The following RBPJ variants were observed in gnomAD, a reference collection of about 807,000 sequenced individuals.
The protein encoded by RBPJ is recombining binding protein suppressor of hairless.
Under a neutral mutation model 67.8 loss-of-function variants are expected in RBPJ, and 9 were observed. That is an observed-to-expected ratio of 0.13 (90% CI 0.08 to 0.23). The LOEUF (loss-of-function observed/expected upper bound fraction) is 0.23, where lower values mean the gene tolerates loss of function less well. Ranked by LOEUF, RBPJ falls within the 10% of genes least tolerant of loss-of-function variation. The pLI is 1.00. For synonymous variants in RBPJ, 198 were observed against 203.3 expected (o/e 0.97, Z 0.22); for missense variants, 305 against 595.6 (o/e 0.51, Z 5.08).
intron 3 of RBPJ, among the ~76,000 whole-genome samples, chr4:26,411,393 T>C (rs1386913760): frequency 6.6e-6 from 1 of 152,124 alleles, no homozygotes; most frequent in African/African-American, 2.4e-5. Context: ...TGCTGACTTT[T>C]ATTCAATCAC....
the RBPJ span, among the ~76,000 whole-genome samples, chr4:26,157,599 C>T: frequency 1.3e-5 from 2 of 152,150 alleles, no homozygotes; most frequent in African/African-American, 4.8e-5. Context: ...GTTTGGATTG[C>T]AAAACTTTCC....
At chr4:26,139,292 G>A in the RBPJ span, among the ~76,000 whole-genome samples, 1 of 152,358 alleles carries the variant, frequency 6.6e-6, no homozygotes, top group African/African-American at 2.4e-5. Flanking sequence ...AGTGCTTAGT[G>A]TAGTGCCCAG....
intron 1 of RBPJ, among the ~76,000 whole-genome samples, chr4:26,210,766 T>TCTTTCTTTCTTTCTTC (rs1560212256): frequency 2.9e-5 from 4 of 137,756 alleles, no homozygotes; most frequent in African/African-American, 1.1e-4. Flanking sequence ...TTTCTTTCTT[T>TCTTTCTTTCTTTCTTC]CTTTCTTTCT....
At chr4:26,401,242 A>G (rs1369735484) in intron 2 of RBPJ, among the ~76,000 whole-genome samples, 2 of 152,238 alleles carry the variant, frequency 1.3e-5, no homozygotes, top group Non-Finnish European at 2.9e-5. Flanking sequence ...AGGCTTAGTG[A>G]TTGACAGACC....
intron 1 of RBPJ, among the ~76,000 whole-genome samples, chr4:26,361,860 AG>A (rs562396208): frequency 1.3e-3 from 202 of 152,320 alleles, no homozygotes; most frequent in African/African-American, 4.7e-3. Flanking sequence ...TTAGGAGGAA[AG>A]GAACAGATAC....
chr4:26,225,173 A>G (rs1423889825), intron 1 of RBPJ, among the ~76,000 whole-genome samples: 1 of 152,242 alleles, frequency 6.6e-6, no homozygotes, highest in East Asian at 1.9e-4. Context: ...GGTAGCTGGT[A>G]TAAAGGAAAA....
At chr4:26,194,363 C>T (rs1717677061) in intron 1 of RBPJ, among the ~76,000 whole-genome samples, 1 of 152,230 alleles carries the variant, frequency 6.6e-6, no homozygotes, top group Non-Finnish European at 1.5e-5. Flanking sequence ...CACACACACA[C>T]ATTTAATCCA....
rs1045416864 is a variant in RBPJ, at chr4:26,422,977, A to G, written c.497-1365A>G. On this transcript the variant is annotated intron_variant, in intron 5 of 10. Coordinates refer to ENST00000355476, the MANE Select transcript of RBPJ (RefSeq NM_015874.6). Reference sequence around the variant, plus strand: ...TGTGATATGTCCTTGAGTATAATCTATGGACACCCCCTCAACTCTTGCAAT... The same window carrying G: ...TGTGATATGTCCTTGAGTATAATCTGTGGACACCCCCTCAACTCTTGCAAT... Among the ~76,000 whole-genome samples, 4 of 152,206 alleles carry G rather than the reference A, an allele frequency of 2.6e-5. No individual in the cohort carries two copies. The South Asian group carries it at 6.2e-4, about 24-fold the overall frequency.
In RBPJ at chr4:26,264,019, C is replaced by T. The variant is rs1430463798; in HGVS notation, c.-166-98427C>T. Among the ~76,000 whole-genome samples, 3 of 151,874 alleles carry T rather than the reference C, an allele frequency of 2.0e-5. No individual in the cohort carries two copies. Among genetic ancestry groups the T allele is most frequent in the Non-Finnish European group, 4.4e-5 (3 of 68,008 alleles). ...CCTCCTGAGTAGCTGGGACTACAGA[C>T]GTGTGCCACCACGTCCTGCTAATCT... On this transcript the variant is annotated intron_variant, in intron 1 of 4. Coordinates refer to the RBPJ transcript ENST00000512351. The surrounding 1 kb of genome is among the most constrained non-coding windows in gnomAD (Gnocchi z 4.1).
chr4:26,272,214 T>C (rs1441944006), intron 1 of RBPJ, among the ~76,000 whole-genome samples: 1 of 152,190 alleles, frequency 6.6e-6, no homozygotes, highest in East Asian at 1.9e-4. Flanking sequence ...AAAGATCTTC[T>C]AGATAAAACT....
At chr4:26,405,438 T>A (rs1733297188) in intron 2 of RBPJ, among the ~76,000 whole-genome samples, 2 of 151,806 alleles carry the variant, frequency 1.3e-5, no homozygotes, top group South Asian at 4.2e-4. Flanking sequence ...TATATAATAT[T>A]GCTTAGCAAA....
At chr4:26,154,607 A>G in the RBPJ span, among the ~76,000 whole-genome samples, 9 of 152,226 alleles carry the variant, frequency 5.9e-5, no homozygotes, top group Admixed American at 3.9e-4. Flanking sequence ...GGTTGGCTTG[A>G]AAACAGGTTT....
At chr4:26,248,636 A>G (rs553076195) in intron 1 of RBPJ, among the ~76,000 whole-genome samples, 12 of 152,370 alleles carry the variant, frequency 7.9e-5, no homozygotes, top group Admixed American at 5.2e-4. Flanking sequence ...GTTAGACTAT[A>G]TAACAGTGAA....
intron 1 of RBPJ, among the ~76,000 whole-genome samples, chr4:26,180,144 A>G (rs1716930391): frequency 6.6e-6 from 1 of 152,056 alleles, no homozygotes; most frequent in Non-Finnish European, 1.5e-5. Flanking sequence ...GACACAAGGA[A>G]GGGGACAACA....
In RBPJ at chr4:26,433,355, G is replaced by T. The variant is rs759870325; in HGVS notation, c.*2348G>T. 6.6e-6 allele frequency: 1 copy of T among 152,064 alleles called. No individual in the cohort carries two copies. The highest frequency in any genetic ancestry group is 6.5e-5 in the Admixed American group (1 of 15,276). 9.4% of individuals were successfully genotyped at this position (152,064 alleles called of 1,614,324 possible). A position where few individuals can be genotyped will look rare whatever the true frequency, so the allele number is the denominator to read the frequency against. The stretch of plus-strand genomic sequence containing the variant: ...GTTCCTAGTGCTGCTTTGCTTTAAC[G>T]GCCACAAGTTTCCTCCACTTCCTAG... On this transcript the variant is annotated 3_prime_UTR_variant, in exon 11 of 11. Transcript: ENST00000355476.
chr4:26,429,821 G>T (rs1333923288), intron 8 of RBPJ, 77 bp from the exon 9 acceptor site: 11 of 1,211,004 alleles, frequency 9.1e-6, no homozygotes, highest in Non-Finnish European at 1.3e-5. Flanking sequence ...CTTGTCTGAG[G>T]GTTACTTGGT....
At chr4:26,405,999 T>C (rs1259542577) in intron 2 of RBPJ, among the ~76,000 whole-genome samples, 176 bp from the exon 3 acceptor site, 1 of 152,218 alleles carries the variant, frequency 6.6e-6, no homozygotes, top group Non-Finnish European at 1.5e-5. Context: ...CATTGTATCA[T>C]TGTATAATCT....
At chr4:26,378,326 C>G (rs936830374) in intron 1 of RBPJ, among the ~76,000 whole-genome samples, 1 of 152,140 alleles carries the variant, frequency 6.6e-6, no homozygotes, top group Non-Finnish European at 1.5e-5. Context: ...GCCCCAGAGT[C>G]TGATTGCCTC....
rs541293861 is a variant in RBPJ, at chr4:26,260,961, A to G, written c.-167+97347A>G. 4.6e-5 allele frequency among the ~76,000 whole-genome samples: 7 copies of G among 152,326 alleles called. No individual in the cohort carries two copies. In the South Asian group the frequency reaches 1.4e-3, roughly 32 times the overall value. ...CATAAGTTTTTACTTGTTTATGGTAAATAGCTTGAGGGCAAAGAACATGAC... is the reference window on the plus strand; with the variant it reads ...CATAAGTTTTTACTTGTTTATGGTAGATAGCTTGAGGGCAAAGAACATGAC... On this transcript the variant is annotated intron_variant, in intron 1 of 4. Transcript: ENST00000512351.
Sources: gnomAD v4.1 joint callset for allele counts (sites outside exome capture counted in the v4.1 genomes callset) on GRCh38, gnomAD v4.1.1 for gene constraint, Gnocchi (gnomAD v3.1) non-coding constraint, MANE v1.5 for transcripts, NCBI Gene and HGNC (gene_info 2026-07-23, HGNC 2026-07-21) for gene names.